The following GRM7 variants were observed in gnomAD, a reference collection of about 807,000 sequenced individuals.
The protein encoded by GRM7 is glutamate metabotropic receptor 7.
A neutral mutation model predicts 84.5 loss-of-function variants in GRM7; 35 were observed. The ratio of observed to expected loss-of-function variants is 0.41; its 90% confidence interval spans 0.32 to 0.55. The LOEUF (loss-of-function observed/expected upper bound fraction) is 0.55, where lower values mean the gene tolerates loss of function less well. Among genes scored for constraint, GRM7 ranks in the 20% least tolerant of loss-of-function variants. The pLI is 0.19. For missense variants in GRM7, 1,003 were observed against 1,194.6 expected (o/e 0.84, Z 2.36); for synonymous variants, 487 against 455.1 (o/e 1.07, Z -0.89).
intron 5 of GRM7, among the ~76,000 whole-genome samples, chr3:7,417,113 A>T (rs1303411212): frequency 1.3e-5 from 2 of 152,154 alleles, no homozygotes; most frequent in Non-Finnish European, 2.9e-5. Flanking sequence ...TAAGGTCATT[A>T]TGCAAGCCTC....
chr3:7,143,786 G>C (rs1694024520), intron 1 of GRM7, among the ~76,000 whole-genome samples: 1 of 152,150 alleles, frequency 6.6e-6, no homozygotes, highest in Non-Finnish European at 1.5e-5. Flanking sequence ...CTGCGCAACA[G>C]CATGAAGCTT....
chr3:7,292,413 T>G (rs1255242452), intron 2 of GRM7, among the ~76,000 whole-genome samples: 1 of 152,202 alleles, frequency 6.6e-6, no homozygotes, highest in Non-Finnish European at 1.5e-5. Context: ...TAGCTTAAAG[T>G]ATTGAAAGAT....
intron 7 of GRM7, 99 bp downstream of exon 7, chr3:7,461,821 C>A (rs755150827): frequency 9.1e-6 from 10 of 1,101,952 alleles, no homozygotes; most frequent in Non-Finnish European, 1.4e-5. Context: ...TGTTTGTGTG[C>A]ATATACAAGT....
In GRM7 at chr3:7,158,372, CTT is replaced by C. The variant is rs1013140481; in HGVS notation, c.736+11706_736+11707del. On this transcript the variant is annotated intron_variant, in intron 2 of 9. Coordinates refer to ENST00000357716, the MANE Select transcript of GRM7 (RefSeq NM_000844.4). ...GACAAGCCAGTCCCTGCCCAACAAA[CTT>C]TGCATCTCTATAGGCTTTTACTCAA... Among the ~76,000 whole-genome samples, 16 of 152,218 alleles carry C rather than the reference CTT, an allele frequency of 1.1e-4. No individual in the cohort carries two copies. In the South Asian group the frequency reaches 2.3e-3, roughly 22 times the overall value.
At chr3:7,468,744 T>C (rs1698566322) in intron 7 of GRM7, among the ~76,000 whole-genome samples, 1 of 152,090 alleles carries the variant, frequency 6.6e-6, no homozygotes, top group Non-Finnish European at 1.5e-5. Context: ...CTCATGGTAG[T>C]GAGTGAGTTT....
chr3:7,391,872 G>A (rs965834117), intron 4 of GRM7, among the ~76,000 whole-genome samples: 17 of 151,928 alleles, frequency 1.1e-4, no homozygotes, highest in Non-Finnish European at 2.2e-4. Flanking sequence ...GGAGCCTCTC[G>A]AGAAGCTGGA....
intron 4 of GRM7, among the ~76,000 whole-genome samples, chr3:7,381,482 G>A (rs1385440100): frequency 6.6e-6 from 1 of 152,020 alleles, no homozygotes; most frequent in East Asian, 1.9e-4. Context: ...GGGGAGGCAA[G>A]CATTAAACAT....
chr3:7,319,410 G>A (rs1296606638), intron 4 of GRM7, among the ~76,000 whole-genome samples: 1 of 152,048 alleles, frequency 6.6e-6, no homozygotes, highest in African/African-American at 2.4e-5. Context: ...GAAAATGAAA[G>A]ACTTGTGATG....
intron 2 of GRM7, among the ~76,000 whole-genome samples, chr3:7,281,727 A>G (rs1344698900): frequency 6.6e-6 from 1 of 152,136 alleles, no homozygotes; most frequent in Non-Finnish European, 1.5e-5. Flanking sequence ...AGGATCTTCT[A>G]AGAGGTTGTT....
intron 7 of GRM7, among the ~76,000 whole-genome samples, chr3:7,515,508 C>A (rs1363723720): frequency 2.0e-5 from 3 of 152,164 alleles, no homozygotes; most frequent in Non-Finnish European, 4.4e-5. Context: ...TAATTTTAAG[C>A]CATTAAGTTG....
chr3:6,902,677 T>G (rs762691484), intron 1 of GRM7, among the ~76,000 whole-genome samples: 1 of 152,178 alleles, frequency 6.6e-6, no homozygotes, highest in Non-Finnish European at 1.5e-5. Context: ...AAGCAAAACA[T>G]AATTGTCTAG....
intron 8 of GRM7, among the ~76,000 whole-genome samples, chr3:7,590,017 C>T (rs928816616): frequency 6.6e-6 from 1 of 152,094 alleles, no homozygotes; most frequent in Admixed American, 6.5e-5. Context: ...GTTTTTGTTC[C>T]CTGTAGTGAT....
chr3:6,869,928 T>G (rs1264479703), intron 1 of GRM7, among the ~76,000 whole-genome samples: 3 of 152,316 alleles, frequency 2.0e-5, no homozygotes, highest in African/African-American at 7.2e-5. Context: ...CTAGAAATAC[T>G]TATTAAACAC....
chr3:7,079,296 AT>A (rs1471970563), intron 1 of GRM7, among the ~76,000 whole-genome samples: 10 of 152,074 alleles, frequency 6.6e-5, no homozygotes, highest in Non-Finnish European at 1.5e-5. Context: ...TTCTGTATCT[AT>A]TTTGTCAGCT....
chr3:7,518,144 A>C (rs1267101342), intron 7 of GRM7, among the ~76,000 whole-genome samples: 1 of 152,200 alleles, frequency 6.6e-6, no homozygotes, highest in Admixed American at 6.5e-5. Flanking sequence ...GTGGGGCTTT[A>C]GTTCCCAAAA....
intron 1 of GRM7, among the ~76,000 whole-genome samples, chr3:6,929,792 G>A (rs1334279923): frequency 2.0e-5 from 3 of 152,294 alleles, no homozygotes; most frequent in African/African-American, 7.2e-5. Flanking sequence ...GGTGTGTAGG[G>A]AAGGTGAAAG....
At chr3:7,656,627 A>G (rs1055769855) in intron 8 of GRM7, among the ~76,000 whole-genome samples, 1 of 151,396 alleles carries the variant, frequency 6.6e-6, no homozygotes, top group Non-Finnish European at 1.5e-5. Context: ...TTATGTCCCC[A>G]GGGGTAGGGA....
chr3:7,375,352 G>A (rs566823835), intron 4 of GRM7, among the ~76,000 whole-genome samples: 4 of 151,610 alleles, frequency 2.6e-5, no homozygotes, highest in Non-Finnish European at 4.4e-5. Flanking sequence ...CTGAGTGGCT[G>A]GGACTACAGG....
chr3:7,722,308 C>T (rs1339507858), intron 9 of GRM7, among the ~76,000 whole-genome samples: 1 of 152,150 alleles, frequency 6.6e-6, no homozygotes, highest in Non-Finnish European at 1.5e-5. Flanking sequence ...ACAGTAACTC[C>T]TTCAATCCTT....
Sources: gnomAD v4.1 joint callset for allele counts (sites outside exome capture counted in the v4.1 genomes callset) on GRCh38, gnomAD v4.1.1 for gene constraint, MANE v1.5 for transcripts, NCBI Gene and HGNC (gene_info 2026-07-23, HGNC 2026-07-21) for gene names.